Variants in DPP6 observed in about 807,000 individuals in gnomAD.
DPP6 encodes the protein A-type potassium channel modulatory protein DPP6.
DPP6 carries 69 observed loss-of-function variants against 122.6 expected under a neutral mutation model. That is an observed-to-expected ratio of 0.56 (90% CI 0.46 to 0.69). DPP6 has a LOEUF of 0.69. DPP6 is among the 30% of genes least tolerant of loss of function. The pLI is 0.00. For missense variants in DPP6, 928 were observed against 1,116.9 expected, an observed-to-expected ratio of 0.83 and a Z score of 2.41; for synonymous variants, 418 against 433.1, an observed-to-expected ratio of 0.97 and a Z score of 0.43.
intron 16 of DPP6, among the ~76,000 whole-genome samples, chr7:154,842,960 C>T (rs970964429): frequency 1.3e-5 from 2 of 152,198 alleles, no homozygotes; most frequent in Non-Finnish European, 2.9e-5. Flanking sequence ...GAGGACCAGG[C>T]AGAGAGAATC....
chr7:154,500,322 T>G (rs1012637305), intron 3 of DPP6, among the ~76,000 whole-genome samples: 1 of 152,302 alleles, frequency 6.6e-6, no homozygotes, highest in East Asian at 1.9e-4. Context: ...AAATGATGAC[T>G]TTTGTTATGG....
At chr7:154,131,672 C>T (rs558783551) in intron 1 of DPP6, among the ~76,000 whole-genome samples, 382 of 152,378 alleles carry the variant, frequency 2.5e-3, no homozygotes, top group Non-Finnish European at 4.7e-3. Context: ...CTAATTACAT[C>T]TGGAGGAACT....
intron 1 of DPP6, among the ~76,000 whole-genome samples, chr7:154,396,339 CTATT>C (rs557130232): frequency 2.0e-3 from 300 of 152,266 alleles, no homozygotes; most frequent in African/African-American, 6.8e-3. Flanking sequence ...GATTTAAACT[CTATT>C]TAACTCCTGT....
At chr7:154,319,165 A>G (rs1807699787) in intron 1 of DPP6, among the ~76,000 whole-genome samples, 1 of 152,218 alleles carries the variant, frequency 6.6e-6, no homozygotes. Context: ...TGATTTTTTT[A>G]CAACAAAAAT....
In DPP6 at chr7:154,120,333, C is replaced by T. The variant is rs187125746; in HGVS notation, c.243+67270C>T. On this transcript the variant is annotated intron_variant, in intron 1 of 25. Transcript: ENST00000377770. ...GATCTCAGCTCACTGCAAGCTCCCC[C>T]TCATGGGTTCACGCCATTCTCCTGC... Among the ~76,000 whole-genome samples the T allele has an allele frequency of 3.3e-5, 5 of 152,122 alleles. No homozygotes were observed. The East Asian group carries it at 7.8e-4, about 24-fold the overall frequency.
At chr7:153,795,424 G>A in the DPP6 span, among the ~76,000 whole-genome samples, 1 of 152,120 alleles carries the variant, frequency 6.6e-6, no homozygotes, top group Admixed American at 6.5e-5. Context: ...AATAAAGAAA[G>A]AAAGAATAGA....
intron 1 of DPP6, among the ~76,000 whole-genome samples, chr7:154,372,159 A>T (rs1049529905): frequency 6.6e-6 from 1 of 151,988 alleles, no homozygotes; most frequent in Non-Finnish European, 1.5e-5. Flanking sequence ...GCCTGCTTTC[A>T]TGTTGTCGGA....
At chr7:154,360,068 T>C (rs1015353639) in intron 1 of DPP6, among the ~76,000 whole-genome samples, 3 of 152,228 alleles carry the variant, frequency 2.0e-5, no homozygotes, top group Non-Finnish European at 4.4e-5. Context: ...ACTTTCTAGC[T>C]CATTTTACTA....
chr7:154,288,161 G>A (rs903797045), intron 1 of DPP6, among the ~76,000 whole-genome samples: 4 of 152,180 alleles, frequency 2.6e-5, no homozygotes, highest in South Asian at 2.1e-4. Flanking sequence ...GTTACTGTTG[G>A]AGAGAGGGTC....
the DPP6 span, among the ~76,000 whole-genome samples, chr7:153,749,668 G>C: frequency 6.6e-6 from 1 of 152,144 alleles, no homozygotes; most frequent in African/African-American, 2.4e-5. This position sits in a 1 kb window ranked among gnomAD's most constrained non-coding sequence, Gnocchi z 4.1. Flanking sequence ...TCGCCAGCGA[G>C]GTTCCGGATT....
chr7:154,330,382 G>T (rs563208920), intron 1 of DPP6, among the ~76,000 whole-genome samples: 1 of 152,162 alleles, frequency 6.6e-6, no homozygotes, highest in Non-Finnish European at 1.5e-5. Flanking sequence ...ATTCACAGCC[G>T]AGAGTGGCAG....
chr7:154,305,025 C>T (rs1806175562), intron 1 of DPP6: 1 of 7,008 alleles, frequency 1.4e-4, no homozygotes, highest in African/African-American at 6.2e-4. Flanking sequence ...CCCTCCCCAG[C>T]CCCAGCCCCA....
chr7:154,821,645 T>TATATATATATAC lies in DPP6; in HGVS notation c.1666+14534_1666+14535insTATATATATACA, dbSNP rs1362252192. Among the ~76,000 whole-genome samples, 29 of 115,154 alleles carry TATATATATATAC rather than the reference T, an allele frequency of 2.5e-4. No individual in the cohort carries two copies. The highest frequency in any genetic ancestry group is 6.1e-4 in the African/African-American group (16 of 26,152). 75.5% of individuals were successfully genotyped at this position (115,154 alleles called of 152,430 possible). A position where few individuals can be genotyped will look rare whatever the true frequency, so the allele number is the denominator to read the frequency against. ...TTTTTTCTGTATATATATATATATA[T>TATATATATATAC]ACACATATATATATATATACACATA... On this transcript the variant is annotated intron_variant, in intron 16 of 25. Transcript: ENST00000377770. The surrounding 1 kb of genome is among the most constrained non-coding windows in gnomAD (Gnocchi z 4.2).
intron 1 of DPP6, among the ~76,000 whole-genome samples, chr7:153,919,422 T>C (rs981752582): frequency 6.6e-6 from 1 of 152,202 alleles, no homozygotes; most frequent in Admixed American, 6.5e-5. Context: ...ATTCTTGGCC[T>C]CATGCATGTG....
chr7:154,046,960 A>G (rs1322833707), intron 1 of DPP6, among the ~76,000 whole-genome samples: 2 of 151,690 alleles, frequency 1.3e-5, no homozygotes, highest in Non-Finnish European at 2.9e-5. Flanking sequence ...GAGAGTACCA[A>G]TTTACGTGGC....
rs1007056647 is a variant in DPP6, at chr7:154,604,799, G to A, written c.628-33022G>A. Among the ~76,000 whole-genome samples, 4 of 119,932 alleles carry A rather than the reference G, an allele frequency of 3.3e-5. 1 individual carries two copies. Among genetic ancestry groups the A allele is most frequent in the Non-Finnish European group, 7.5e-5 (4 of 53,200 alleles). The allele number at this position is 119,932 out of a possible 152,430, so 78.7% of individuals were successfully genotyped here. On this transcript the variant is annotated intron_variant, in intron 5 of 25. Coordinates refer to ENST00000377770, the MANE Select transcript of DPP6 (RefSeq NM_130797.4). The stretch of plus-strand genomic sequence containing the variant: ...AAGTTCAAATGGTTGGATTCTCTTG[G>A]ATAGTCTATATGGACATTTGTAAAC...
At chr7:154,564,066 T>C (rs2130504708) in intron 4 of DPP6, among the ~76,000 whole-genome samples, 1 of 152,072 alleles carries the variant, frequency 6.6e-6, no homozygotes. Context: ...GAAAAGCAGG[T>C]GATGAGTGTC....
At position 154,451,438 on chromosome 7, in the gene DPP6, G is replaced by A. The variant is rs568022875; in HGVS notation, c.358+5110G>A. ...ACCGAAATGTCCACAGCAGCAAAGC[G>A]GGTTGAGAACCAGGTCCTGGGACCC... On this transcript the variant is annotated intron_variant, in intron 2 of 25. Transcript: ENST00000377770. Among the ~76,000 whole-genome samples, 5 of 151,676 alleles carry A rather than the reference G, an allele frequency of 3.3e-5. No homozygotes were observed. In the South Asian group the frequency reaches 6.3e-4, roughly 19 times the overall value.
In DPP6 at chr7:154,237,641, A is replaced by C. The variant is rs78498882; in HGVS notation, c.243+184578A>C. 6.2e-3 allele frequency among the ~76,000 whole-genome samples: 939 copies of C among 152,142 alleles called. 10 individuals carry two copies. Among genetic ancestry groups the C allele is most frequent in the African/African-American group, 0.021 (885 of 41,502 alleles). ...CACACCATTTCATCTAGAAACCCTC[A>C]TCTCCTTCTTCTTTTTTTCTCTTTT... On this transcript the variant is annotated intron_variant, in intron 1 of 25. Coordinates refer to ENST00000377770, the MANE Select transcript of DPP6 (RefSeq NM_130797.4).
Sources: allele counts gnomAD v4.1 joint callset (sites outside exome capture counted in the v4.1 genomes callset), GRCh38; gene constraint gnomAD v4.1.1; non-coding constraint Gnocchi (gnomAD v3.1); transcripts MANE v1.5; gene names NCBI Gene and HGNC (gene_info 2026-07-23, HGNC 2026-07-21).